Variants in ARHGEF28 observed in about 807,000 individuals in gnomAD.
The protein encoded by ARHGEF28 is 190 kDa guanine nucleotide exchange factor.
A neutral mutation model predicts 206.6 loss-of-function variants in ARHGEF28; 152 were observed. The ratio of observed to expected loss-of-function variants is 0.74; its 90% CI spans 0.64 to 0.84. The LOEUF (loss-of-function observed/expected upper bound fraction) is 0.84. Among genes scored for constraint, ARHGEF28 ranks in the 40% least tolerant of loss-of-function variants. ARHGEF28 has a pLI of 0.00. For synonymous variants in ARHGEF28, 763 were observed against 776.4 expected (o/e 0.98, Z 0.29); for missense variants, 2,028 against 2,073.2 (o/e 0.98, Z 0.42).
chr5:73,748,769 C>T (rs1751873832), intron 2 of ARHGEF28, among the ~76,000 whole-genome samples: 1 of 152,162 alleles, frequency 6.6e-6, no homozygotes, highest in Non-Finnish European at 1.5e-5. Flanking sequence ...TTTCCATTTC[C>T]CCGCCACTCC....
At chr5:73,699,170 T>C (rs1439982118) in intron 2 of ARHGEF28, among the ~76,000 whole-genome samples, 1 of 151,002 alleles carries the variant, frequency 6.6e-6, no homozygotes, top group Non-Finnish European at 1.5e-5. Context: ...TGTGTGTATG[T>C]GTGTGTGTGT....
intron 10 of ARHGEF28, among the ~76,000 whole-genome samples, chr5:73,838,734 C>T (rs914784039): frequency 6.6e-6 from 1 of 152,300 alleles, no homozygotes; most frequent in African/African-American, 2.4e-5. Context: ...ACCTCTTAAT[C>T]TTTCATGGTG....
intron 6 of ARHGEF28, among the ~76,000 whole-genome samples, chr5:73,777,054 C>T (rs1484634866): frequency 1.3e-5 from 2 of 152,070 alleles, no homozygotes; most frequent in Non-Finnish European, 2.9e-5. Context: ...TCATATTGCT[C>T]AAATGTAGTT....
At chr5:73,926,529 T>C (rs1240215383) in intron 35 of ARHGEF28, among the ~76,000 whole-genome samples, 1 of 152,152 alleles carries the variant, frequency 6.6e-6, no homozygotes, top group Non-Finnish European at 1.5e-5. Flanking sequence ...AATACATGTT[T>C]CAGCCAAACT....
chr5:73,772,697 T>TG (rs1248322756), intron 4 of ARHGEF28, among the ~76,000 whole-genome samples: 2 of 152,042 alleles, frequency 1.3e-5, no homozygotes, highest in African/African-American at 4.8e-5. Context: ...TTTTTAATGT[T>TG]GGGGATGGTG....
rs1763609367 is a variant in ARHGEF28, at chr5:73,923,110, T to C, written c.4948+11535T>C. The C allele has an allele frequency of 2.0e-6, 3 of 1,535,936 alleles. No homozygotes were observed. Among genetic ancestry groups the C allele is most frequent in the Non-Finnish European group, 1.7e-6 (2 of 1,146,806 alleles). On this transcript the variant is annotated intron_variant, in intron 35 of 35. Coordinates refer to ENST00000513042, the MANE Select transcript of ARHGEF28 (RefSeq NM_001177693.2). ...AGGCTCCAGTATGACAAAGTGCAGT[T>C]GTACGTTGACATCTCCCCCGGGACT...
intron 1 of ARHGEF28, among the ~76,000 whole-genome samples, chr5:73,662,223 C>T (rs185799730): frequency 3.3e-5 from 5 of 152,242 alleles, no homozygotes; most frequent in Admixed American, 6.5e-5. Context: ...CATTTAGTTT[C>T]TAGTGTCTTT....
At chr5:73,735,235 A>C (rs922523967) in intron 2 of ARHGEF28, among the ~76,000 whole-genome samples, 1 of 151,116 alleles carries the variant, frequency 6.6e-6, no homozygotes, top group African/African-American at 2.4e-5. Context: ...TTATTAATTA[A>C]ATTAAAATTA....
Position 73,794,447 on chromosome 5 carries a change from A to T in ARHGEF28, c.956A>T (p.Asp319Val). Reference protein sequence around the residue: ...VSSRSAAEKEDIKRVKSLVVQ... With the variant: ...VSSRSAAEKEVIKRVKSLVVQ... ...AGCAGATCAGCAGCTGAAAAGGAAG[A>T]TATAAAGGTAATGAATGACTCCCTG... Residue 319 changes from aspartate to valine, a missense_variant, in exon 8 of 36, where the codon GAT becomes GTT. By Grantham distance (152) the Asp-to-Val change is radical. Transcript: ENST00000513042. 1 of 1,600,104 alleles carries T rather than the reference A, an allele frequency of 6.2e-7. No individual in the cohort carries two copies. The highest frequency in any genetic ancestry group is 8.5e-7 in the Non-Finnish European group (1 of 1,171,344).
chr5:73,690,525 C>CAAA (rs71615796), intron 2 of ARHGEF28, among the ~76,000 whole-genome samples: 549 of 23,350 alleles, frequency 0.024, 87 homozygotes, highest in African/African-American at 0.051. Flanking sequence ...TCTGTCTTTA[C>CAAA]AAAAAAAAAA....
chr5:73,938,160 CCACACACACACACACACA>C (rs199804024), intron 35 of ARHGEF28, among the ~76,000 whole-genome samples: 5,375 of 139,632 alleles, frequency 0.038, 288 homozygotes, highest in African/African-American at 0.12. Context: ...CTACACTACA[CCACACACACACACACACA>C]CACACACACA....
intron 20 of ARHGEF28, among the ~76,000 whole-genome samples, chr5:73,869,224 GA>G (rs1334654649): frequency 7.5e-5 from 10 of 133,080 alleles, no homozygotes; most frequent in Middle Eastern, 3.9e-3. Context: ...GTGTGGGGTG[GA>G]GGGGGGTGGG....
chr5:73,914,743 A>T (rs187695969), intron 35 of ARHGEF28, among the ~76,000 whole-genome samples: 34 of 145,654 alleles, frequency 2.3e-4, no homozygotes, highest in Non-Finnish European at 1.5e-5. Context: ...ACTTTTTTTG[A>T]GATTGAGAGT....
chr5:73,925,365 C>T lies in ARHGEF28; in HGVS notation c.4948+13790C>T, dbSNP rs182068841. Among the ~76,000 whole-genome samples, 390 of 152,288 alleles carry T rather than the reference C, an allele frequency of 2.6e-3. 6 individuals carry two copies. Among genetic ancestry groups the T allele is most frequent in the Middle Eastern group, 3.4e-3 (1 of 294 alleles). Reference sequence around the variant, plus strand: ...CCTTTTGTACATGTGTTTCCTCTATCGAGAATATTCTCTCCTCCACCTTTT... The same window carrying T: ...CCTTTTGTACATGTGTTTCCTCTATTGAGAATATTCTCTCCTCCACCTTTT... On this transcript the variant is annotated intron_variant, in intron 35 of 35. Coordinates refer to ENST00000513042, the MANE Select transcript of ARHGEF28 (RefSeq NM_001177693.2).
chr5:73,646,836 A>C (rs1239927584), intron 1 of ARHGEF28, among the ~76,000 whole-genome samples: 1 of 152,068 alleles, frequency 6.6e-6, no homozygotes, highest in Non-Finnish European at 1.5e-5. Context: ...CAGTACACCT[A>C]CTCATCTGGA....
At chr5:73,634,527 A>G (rs1225969074) in intron 1 of ARHGEF28, among the ~76,000 whole-genome samples, 2 of 152,220 alleles carry the variant, frequency 1.3e-5, no homozygotes, top group East Asian at 1.9e-4. Flanking sequence ...TAGGATCAAC[A>G]TGAAATGCCT....
chr5:73,923,211 T>C (rs1453993745), intron 35 of ARHGEF28: 11 of 1,478,492 alleles, frequency 7.4e-6, no homozygotes, highest in Middle Eastern at 1.7e-4. Flanking sequence ...GGTACTCCAC[T>C]CAACTACCTA....
chr5:73,732,173 T>C (rs1425975719), intron 2 of ARHGEF28, among the ~76,000 whole-genome samples: 2 of 152,188 alleles, frequency 1.3e-5, no homozygotes, highest in South Asian at 2.1e-4. Flanking sequence ...TGGTATTACA[T>C]AGAGTGTTTT....
intron 23 of ARHGEF28, 67 bp downstream of exon 23, chr5:73,882,661 T>A: frequency 7.5e-7 from 1 of 1,338,512 alleles, no homozygotes; most frequent in Non-Finnish European, 9.9e-7. Context: ...TGCTTGTTTC[T>A]TAATGATTTA....
Sources: gnomAD v4.1 joint callset for allele counts (sites outside exome capture counted in the v4.1 genomes callset) on GRCh38, gnomAD v4.1.1 for gene constraint, MANE v1.5 for transcripts, NCBI Gene and HGNC (gene_info 2026-07-23, HGNC 2026-07-21) for gene names.